CHM: variants seen among roughly 807,000 people sequenced by gnomAD.
The protein encoded by CHM is CHM Rab escort protein, also known as rab proteins geranylgeranyltransferase component A 1.
CHM carries 10 observed loss-of-function variants against 49.0 expected under a neutral mutation model. The ratio of observed to expected loss-of-function variants is 0.20; its 90% confidence interval spans 0.13 to 0.35. The LOEUF (loss-of-function observed/expected upper bound fraction) is 0.35, where lower values mean the gene tolerates loss of function less well. Ranked by LOEUF, CHM falls within the 10% of genes least tolerant of loss-of-function variation. The probability of loss-of-function intolerance (pLI) is 1.00; values close to 1 mark genes in which losing one functional copy is unlikely to be tolerated. For synonymous variants in CHM, 184 were observed against 167.5 expected, an observed-to-expected ratio of 1.10 and a Z score of -0.76; for missense variants, 455 against 478.4, an observed-to-expected ratio of 0.95 and a Z score of 0.46.
rs1235870486 is a variant in CHM, at chrX:86,020,955, T to A, written c.116+6536A>T. 3.0e-5 allele frequency among the ~76,000 whole-genome samples: 3 copies of A among 98,945 alleles called. No homozygotes were observed. The East Asian group carries it at 9.3e-4, about 31-fold the overall frequency. The allele number at this position is 98,945 out of a possible 115,157, so 85.9% of individuals were successfully genotyped here. A position where few individuals can be genotyped will look rare whatever the true frequency, so the allele number is the denominator to read the frequency against. On this transcript the variant is annotated intron_variant, in intron 2 of 14. Coordinates refer to ENST00000357749, the MANE Select transcript of CHM (RefSeq NM_000390.4). ...TATCAGAGATATATATCATTATCTA[T>A]CAGAGATATATGTGTGTATATATAC... is the stretch of plus-strand genomic sequence containing the variant.
intron 8 of CHM, among the ~76,000 whole-genome samples, chrX:85,927,680 T>A (rs1292098864): frequency 8.9e-6 from 1 of 112,191 alleles, no homozygotes; most frequent in Admixed American, 9.5e-5. Context: ...TAATTGAGTA[T>A]ATTATATCCA....
intron 14 of CHM, among the ~76,000 whole-genome samples, chrX:85,872,204 C>T (rs1018967622): frequency 8.9e-6 from 1 of 111,914 alleles, no homozygotes; most frequent in African/African-American, 3.2e-5. Context: ...TTGCCACTGG[C>T]GGGAATGAAA....
At chrX:85,942,797 A>G (rs1198363169) in intron 8 of CHM, among the ~76,000 whole-genome samples, 1 of 108,399 alleles carries the variant, frequency 9.2e-6, no homozygotes, top group Non-Finnish European at 1.9e-5. Context: ...TTTAGGGTAC[A>G]TGTGCACAAC....
At chrX:85,929,009 A>C (rs1928256747) in intron 8 of CHM, among the ~76,000 whole-genome samples, 1 of 112,271 alleles carries the variant, frequency 8.9e-6, no homozygotes, top group Admixed American at 9.4e-5. Context: ...CAATAAAGCA[A>C]ATTAAATATG....
chrX:85,869,192 T>C (rs948402862), intron 14 of CHM, among the ~76,000 whole-genome samples: 1 of 111,952 alleles, frequency 8.9e-6, no homozygotes, highest in African/African-American at 3.3e-5. Context: ...TTTGTTTACA[T>C]GCTTTTCTCC....
chrX:86,047,113 T>A (rs1305757232), intron 1 of CHM: 3 of 274,027 alleles, frequency 1.1e-5, no homozygotes, highest in Non-Finnish European at 2.0e-5. Context: ...AATATCACCT[T>A]GAAATCAATA....
chrX:86,026,097 A>ATTT (rs1398285252), intron 2 of CHM, among the ~76,000 whole-genome samples: 8 of 30,486 alleles, frequency 2.6e-4, no homozygotes, highest in East Asian at 1.0e-3. Flanking sequence ...AAGGTAGCAG[A>ATTT]TTTTCTTTTT....
intron 1 of CHM, among the ~76,000 whole-genome samples, chrX:86,033,342 A>G (rs1603285133): frequency 8.9e-6 from 1 of 112,343 alleles, no homozygotes; most frequent in East Asian, 2.8e-4. Flanking sequence ...ATATGAAACC[A>G]TAAATCACTC....
At chrX:86,005,173 T>A (rs986347070) in intron 2 of CHM, among the ~76,000 whole-genome samples, 33 of 111,657 alleles carry the variant, frequency 3.0e-4, no homozygotes, top group Non-Finnish European at 5.3e-4. Context: ...ACTGGGTACA[T>A]AACAAAATGA....
chrX:85,978,449 T>C (rs1264628246), intron 4 of CHM, among the ~76,000 whole-genome samples: 1 of 111,748 alleles, frequency 8.9e-6, no homozygotes, highest in Admixed American at 9.5e-5. Context: ...TTAATCTCCT[T>C]AAGTTCCATT....
At chrX:85,866,515 C>T (rs1442188891) in intron 14 of CHM, among the ~76,000 whole-genome samples, 2 of 112,821 alleles carry the variant, frequency 1.8e-5, no homozygotes, top group Non-Finnish European at 3.7e-5. Context: ...GGAGCCCCCA[C>T]AAAGAGTCAC....
intron 7 of CHM, 134 bp from the exon 8 acceptor site, chrX:85,956,512 T>C: frequency 1.1e-6 from 1 of 881,933 alleles, no homozygotes; most frequent in Non-Finnish European, 1.5e-6. Context: ...TGGACACTGA[T>C]GGTTGATCTT....
At chrX:85,889,827 A>T (rs1484449259) in intron 12 of CHM, among the ~76,000 whole-genome samples, 2 of 112,428 alleles carry the variant, frequency 1.8e-5, no homozygotes, top group African/African-American at 3.2e-5. Context: ...GGACTGGATT[A>T]AAAAAATGTG....
rs1932561605 is a variant in CHM, at chrX:85,998,710, C to T, written c.117-16901G>A. On this transcript the variant is annotated intron_variant, in intron 2 of 14. Transcript: ENST00000357749. ...CTACCCAGCATCACAGGAGAGTATC[C>T]TATCGCATACTGTTTGCCCAAGATC... is the stretch of plus-strand genomic sequence containing the variant. Among the ~76,000 whole-genome samples the T allele has an allele frequency of 3.6e-5, 4 of 110,862 alleles. No homozygotes were observed. The South Asian group carries it at 1.5e-3, about 43-fold the overall frequency.
At position 85,873,197 on chromosome X, in the gene CHM, T is replaced by C; in HGVS notation, c.1625A>G (p.Glu542Gly). The part of the protein sequence containing the change: ...TEMEIENEQV[E>G]KPRILWALYF... ...AAGAGCCCACAGAATTCTTGGCTTT[T>C]CTACTTGTTCATTTTCTAAATATAG... Residue 542 changes from glutamate to glycine, a missense_variant, in exon 14 of 15, where the codon GAA (glutamate) becomes GGA (glycine). Coordinates refer to ENST00000357749, the MANE Select transcript of CHM (RefSeq NM_000390.4). 8.5e-7 allele frequency: 1 copy of C among 1,178,855 alleles called. No individual in the cohort carries two copies. Among genetic ancestry groups the C allele is most frequent in the Non-Finnish European group, 1.1e-6 (1 of 870,915 alleles).
At chrX:85,937,445 A>G (rs1022390206) in intron 8 of CHM, among the ~76,000 whole-genome samples, 1 of 110,176 alleles carries the variant, frequency 9.1e-6, no homozygotes, top group Non-Finnish European at 1.9e-5. Context: ...GTATACATAT[A>G]TAACATACAG....
Position 85,886,723 on chromosome X carries a change from G to A in CHM, c.1510+7465C>T, listed in dbSNP as rs748507241. ...TGTGACGTCAGTGACTCTCAATTAG[G>A]GCAGCAGCAAGAAAATATATCATTA... is the stretch of plus-strand genomic sequence containing the variant. On this transcript the variant is annotated intron_variant, in intron 12 of 14. Transcript: ENST00000357749. Among the ~76,000 whole-genome samples the A allele has an allele frequency of 5.7e-4, 63 of 109,618 alleles. 1 individual carries two copies. Among genetic ancestry groups the A allele is most frequent in the African/African-American group, 2.1e-3 (63 of 30,193 alleles).
intron 4 of CHM, among the ~76,000 whole-genome samples, chrX:85,974,008 A>G (rs1931111175): frequency 8.9e-6 from 1 of 112,346 alleles, no homozygotes; most frequent in African/African-American, 3.2e-5. Context: ...CAAGCAATCT[A>G]CAAAAAAGCT....
chrX:85,885,977 TAA>T (rs929085622), intron 12 of CHM, among the ~76,000 whole-genome samples: 16 of 111,784 alleles, frequency 1.4e-4, no homozygotes, highest in African/African-American at 5.2e-4. Context: ...TTATTCTTCT[TAA>T]ACACGATTTT....
Sources: gnomAD v4.1 joint callset for allele counts (sites outside exome capture counted in the v4.1 genomes callset) on GRCh38, gnomAD v4.1.1 for gene constraint, MANE v1.5 for transcripts, NCBI Gene and HGNC (gene_info 2026-07-23, HGNC 2026-07-21) for gene names.